Variants in AGBL4 observed in about 807,000 individuals in gnomAD.
AGBL4 encodes AGBL carboxypeptidase 4.
Under a neutral mutation model 66.4 loss-of-function variants are expected in AGBL4, and 58 were observed. That is an observed-to-expected ratio of 0.87 (90% CI 0.71 to 1.09). The LOEUF is 1.09. Among genes scored for constraint, AGBL4 ranks in the 50% least tolerant of loss-of-function variants. AGBL4 has a pLI of 0.00. For missense variants in AGBL4, 579 were observed against 631.0 expected, an observed-to-expected ratio of 0.92 and a Z score of 0.88; for synonymous variants, 234 against 222.9, an observed-to-expected ratio of 1.05 and a Z score of -0.44.
chr1:49,774,814 T>C (rs1644155787), intron 2 of AGBL4, among the ~76,000 whole-genome samples: 2 of 152,198 alleles, frequency 1.3e-5, no homozygotes. Context: ...CTGATACTCT[T>C]TCCAGAGACT....
intron 3 of AGBL4, among the ~76,000 whole-genome samples, chr1:49,484,139 ACT>A (rs1647013692): frequency 6.6e-6 from 1 of 152,060 alleles, no homozygotes; most frequent in African/African-American, 2.4e-5. Context: ...TCCCTCATAC[ACT>A]GTTTGTGGGA....
At chr1:48,769,247 G>A (rs1431622134) in intron 6 of AGBL4, among the ~76,000 whole-genome samples, 4 of 152,068 alleles carry the variant, frequency 2.6e-5, no homozygotes, top group Non-Finnish European at 5.9e-5. Flanking sequence ...GCCCTACTGA[G>A]GCCATCCACA....
At chr1:49,348,274 C>T (rs1645678033) in intron 3 of AGBL4, among the ~76,000 whole-genome samples, 2 of 151,898 alleles carry the variant, frequency 1.3e-5, no homozygotes, top group Non-Finnish European at 2.9e-5. Context: ...AAAAACTAGC[C>T]GGGTATGGTG....
chr1:48,540,947 C>A (rs1427285284), intron 11 of AGBL4, among the ~76,000 whole-genome samples: 4 of 152,174 alleles, frequency 2.6e-5, no homozygotes, highest in South Asian at 2.1e-4. Context: ...TGTCACTCAG[C>A]TGAATAAAAC....
chr1:48,905,932 G>A (rs1652545389), intron 5 of AGBL4, among the ~76,000 whole-genome samples: 1 of 152,118 alleles, frequency 6.6e-6, no homozygotes, highest in Non-Finnish European at 1.5e-5. Context: ...CAGGAACTAG[G>A]AATATAATGA....
At chr1:49,511,880 A>G (rs776127120) in intron 3 of AGBL4, among the ~76,000 whole-genome samples, 6 of 152,026 alleles carry the variant, frequency 3.9e-5, no homozygotes, top group Non-Finnish European at 5.9e-5. Context: ...AAGTGCCAAC[A>G]TTACTGTTAA....
intron 5 of AGBL4, among the ~76,000 whole-genome samples, chr1:48,881,849 C>T (rs555228233): frequency 6.6e-6 from 1 of 152,308 alleles, no homozygotes; most frequent in African/African-American, 2.4e-5. Context: ...CCAGGACCTA[C>T]TCTACTTAGG....
chr1:48,663,286 G>A, intron 6 of AGBL4, 45 bp from the exon 7 acceptor site: 1 of 1,596,300 alleles, frequency 6.3e-7, no homozygotes, highest in South Asian at 1.1e-5. Flanking sequence ...GGCAAGAAAA[G>A]CTGAGTCTAG....
chr1:49,293,225 G>T (rs879302751), intron 3 of AGBL4, among the ~76,000 whole-genome samples: 9 of 152,220 alleles, frequency 5.9e-5, no homozygotes, highest in African/African-American at 1.9e-4. Context: ...TGGCATGTCT[G>T]AGTGTGTGCA....
At chr1:48,907,238 A>G (rs538008461) in intron 5 of AGBL4, among the ~76,000 whole-genome samples, 1 of 152,312 alleles carries the variant, frequency 6.6e-6, no homozygotes, top group South Asian at 2.1e-4. Context: ...ATTGGAGGGA[A>G]TCTTTCTCCT....
chr1:49,461,869 T>C (rs534699191), intron 3 of AGBL4, among the ~76,000 whole-genome samples: 1 of 151,914 alleles, frequency 6.6e-6, no homozygotes, highest in East Asian at 1.9e-4. Flanking sequence ...CAGTCTATCA[T>C]TGATGGGCAT....
intron 4 of AGBL4, among the ~76,000 whole-genome samples, chr1:49,089,383 T>C (rs1350289920): frequency 6.6e-6 from 1 of 150,898 alleles, no homozygotes; most frequent in East Asian, 1.9e-4. Context: ...AAAAAAGATA[T>C]CCAACTAAAT....
chr1:49,829,731 T>C (rs889908078), intron 2 of AGBL4, among the ~76,000 whole-genome samples: 1 of 152,104 alleles, frequency 6.6e-6, no homozygotes, highest in Non-Finnish European at 1.5e-5. Context: ...ACTCATCATG[T>C]ATATTAGGTA....
chr1:49,215,116 C>T (rs1297265491), intron 4 of AGBL4, among the ~76,000 whole-genome samples: 1 of 152,026 alleles, frequency 6.6e-6, no homozygotes. Context: ...TCAGGAGAGC[C>T]ACAAGGAACC....
chr1:49,991,740 A>C (rs1659957886), intron 1 of AGBL4, among the ~76,000 whole-genome samples: 1 of 152,160 alleles, frequency 6.6e-6, no homozygotes. Flanking sequence ...CTGTCAATGA[A>C]TCCCCAAGTT....
At chr1:49,869,799 A>T (rs932800107) in intron 1 of AGBL4, among the ~76,000 whole-genome samples, 1 of 152,204 alleles carries the variant, frequency 6.6e-6, no homozygotes. Flanking sequence ...GTGGATTGGT[A>T]GTTACTAGAG....
At chr1:48,592,843 T>C (rs1414645330) in intron 9 of AGBL4, among the ~76,000 whole-genome samples, 1 of 152,190 alleles carries the variant, frequency 6.6e-6, no homozygotes, top group Admixed American at 6.5e-5. Context: ...CTAGCTTTTC[T>C]TTTACTTTTA....
chr1:48,762,237 G>A (rs1199529421), intron 6 of AGBL4, among the ~76,000 whole-genome samples: 1 of 152,202 alleles, frequency 6.6e-6, no homozygotes, highest in Non-Finnish European at 1.5e-5. Flanking sequence ...CATACTGAAT[G>A]TAAAGTGCTA....
intron 2 of AGBL4, among the ~76,000 whole-genome samples, chr1:49,737,461 T>C (rs905428659): frequency 3.9e-5 from 6 of 152,140 alleles, no homozygotes; most frequent in South Asian, 2.1e-4. Flanking sequence ...TTTTCACTTA[T>C]AAGTGGTAGC....
Sources: gnomAD v4.1 joint callset for allele counts (sites outside exome capture counted in the v4.1 genomes callset) on GRCh38, gnomAD v4.1.1 for gene constraint, MANE v1.5 for transcripts, NCBI Gene and HGNC (gene_info 2026-07-23, HGNC 2026-07-21) for gene names.